The following RASGRF2 variants were observed in gnomAD, a reference collection of about 807,000 sequenced individuals.
RASGRF2 encodes the protein ras-specific guanine nucleotide-releasing factor 2.
A neutral mutation model predicts 151.0 loss-of-function variants in RASGRF2; 76 were observed. The observed-to-expected ratio is 0.50, with a 90% confidence interval of 0.42 to 0.61. RASGRF2 has a LOEUF of 0.61. RASGRF2 is among the 20% of genes least tolerant of loss of function. The pLI is 0.00. For missense variants in RASGRF2, 1,148 were observed against 1,564.6 expected, an observed-to-expected ratio of 0.73 and a Z score of 4.49; for synonymous variants, 504 against 566.5, an observed-to-expected ratio of 0.89 and a Z score of 1.57.
intron 17 of RASGRF2, among the ~76,000 whole-genome samples, chr5:81,174,222 A>G (rs1010383671): frequency 6.6e-6 from 1 of 152,220 alleles, no homozygotes; most frequent in African/African-American, 2.4e-5. Context: ...GGAAAGTTAG[A>G]TTGGGGAGCA....
At chr5:81,206,962 C>T (rs1020191600) in intron 20 of RASGRF2, 57 bp downstream of exon 20, 45 of 1,349,774 alleles carry the variant, frequency 3.3e-5, no homozygotes, top group East Asian at 2.1e-4. Context: ...CTCTCCAAGG[C>T]GAGCAATATG....
intron 23 of RASGRF2, among the ~76,000 whole-genome samples, chr5:81,214,290 C>T (rs954790150): frequency 1.3e-5 from 2 of 152,234 alleles, no homozygotes; most frequent in African/African-American, 2.4e-5. Flanking sequence ...ATAGGTCACT[C>T]ACAGTGGCCT....
chr5:81,127,923 C>CAAAAAAAAAA (rs60196392), intron 17 of RASGRF2, among the ~76,000 whole-genome samples: 153 of 64,494 alleles, frequency 2.4e-3, no homozygotes, highest in East Asian at 3.3e-3. Context: ...GACTCCGTCT[C>CAAAAAAAAAA]AAAAAAAAAA....
chr5:81,142,524 T>C (rs965846725), intron 17 of RASGRF2, among the ~76,000 whole-genome samples: 3 of 152,190 alleles, frequency 2.0e-5, no homozygotes, highest in African/African-American at 4.8e-5. Context: ...CAATGTTTCT[T>C]ATATGGGGCC....
rs181901365 is a variant in RASGRF2, at chr5:81,031,178, T to C, written c.289-11699T>C. On this transcript the variant is annotated intron_variant, in intron 1 of 26. Coordinates refer to ENST00000265080, the MANE Select transcript of RASGRF2 (RefSeq NM_006909.3). The stretch of plus-strand genomic sequence containing the variant: ...CTCCTTAGAGACCTACAAAGAGACT[T>C]AGACTCCCACACAATAATAATGGGA... 5.7e-3 allele frequency among the ~76,000 whole-genome samples: 870 copies of C among 152,266 alleles called. 15 individuals carry two copies. The highest frequency in any genetic ancestry group is 0.01 in the Middle Eastern group (3 of 294).
At chr5:81,028,190 A>C (rs1750103223) in intron 1 of RASGRF2, among the ~76,000 whole-genome samples, 1 of 152,044 alleles carries the variant, frequency 6.6e-6, no homozygotes. Context: ...CCAGAAAGAC[A>C]TCAGAAATGC....
intron 2 of RASGRF2, among the ~76,000 whole-genome samples, chr5:81,043,384 C>T (rs1224441209): frequency 6.6e-6 from 1 of 152,188 alleles, no homozygotes; most frequent in Non-Finnish European, 1.5e-5. Flanking sequence ...TGCCTGAGGT[C>T]ACACAGCTAG....
chr5:81,098,846 C>T (rs1435175537), intron 12 of RASGRF2, among the ~76,000 whole-genome samples: 1 of 152,184 alleles, frequency 6.6e-6, no homozygotes, highest in African/African-American at 2.4e-5. Flanking sequence ...GAATTAGTCT[C>T]TCAAGTGTAT....
intron 23 of RASGRF2, among the ~76,000 whole-genome samples, chr5:81,214,426 C>T (rs1045931293): frequency 6.6e-6 from 1 of 152,304 alleles, no homozygotes; most frequent in African/African-American, 2.4e-5. Flanking sequence ...TGACAACATC[C>T]GCTGTACAGC....
rs377116128 is a variant in RASGRF2 at position 80,960,972 on chromosome 5, G to A, written c.234G>A (p.Ala78=). 4.5e-6 allele frequency: 7 copies of A among 1,554,052 alleles called. No homozygotes were observed. The highest frequency in any genetic ancestry group is 6.1e-6 in the Non-Finnish European group (7 of 1,141,526). Residue 78 remains alanine, a synonymous_variant, in exon 1 of 27, where the codon GCG becomes GCA. Transcript: ENST00000265080. The surrounding 1 kb of genome is among the most constrained non-coding windows in gnomAD (Gnocchi z 5.5). ...GCTGCAGCTGCGAACGAACGCCCGC[G>A]CCACCCAGGGCCGGCGCCGGGCAGG... ...LEGCSCERTP[A]PPRAGAGQGG...
intron 17 of RASGRF2, among the ~76,000 whole-genome samples, chr5:81,177,572 T>C (rs907704282): frequency 6.6e-5 from 10 of 151,524 alleles, no homozygotes; most frequent in African/African-American, 2.4e-4. Context: ...CAGCTTCTGC[T>C]ATGTGCCAGA....
rs375532264 is a variant in RASGRF2, at chr5:81,207,365, C to G, written c.3071+16C>G. On this transcript the variant is annotated intron_variant, in intron 21 of 26. Coordinates refer to ENST00000265080, the MANE Select transcript of RASGRF2 (RefSeq NM_006909.3). ...TTCCCTACGAGTGAGTGCCACCCCC[C>G]ACAGCAGCAGGGCTCGGCTGCTCTA... 21 of 1,603,864 alleles carry G rather than the reference C, an allele frequency of 1.3e-5. No homozygotes were observed. The highest frequency in any genetic ancestry group is 6.7e-5 in the East Asian group (3 of 44,826).
chr5:81,009,053 G>C (rs1297075973), intron 1 of RASGRF2, among the ~76,000 whole-genome samples: 2 of 152,156 alleles, frequency 1.3e-5, no homozygotes, highest in South Asian at 4.1e-4. Context: ...CAGACCAGTG[G>C]GAGTCCACTA....
chr5:81,180,089 ACC>A, intron 17 of RASGRF2, 84 bp from the exon 18 acceptor site: 1 of 752,606 alleles, frequency 1.3e-6, no homozygotes, highest in Admixed American at 2.0e-5. Flanking sequence ...AGTTTCGTTA[ACC>A]AATGTCCTAA....
chr5:80,983,171 T>G (rs974607979), intron 1 of RASGRF2, among the ~76,000 whole-genome samples: 1 of 152,246 alleles, frequency 6.6e-6, no homozygotes, highest in African/African-American at 2.4e-5. Flanking sequence ...CGGACTGGCG[T>G]CAGCAATGAC....
At position 81,044,229 on chromosome 5, in the gene RASGRF2, C is replaced by T. The variant is rs990453653; in HGVS notation, c.395+1246C>T. On this transcript the variant is annotated intron_variant, in intron 2 of 26. Coordinates refer to ENST00000265080, the MANE Select transcript of RASGRF2 (RefSeq NM_006909.3). The stretch of plus-strand genomic sequence containing the variant: ...GGCCAGGAGTTTGAGACCAGCCTGG[C>T]CAACATGGTGAAACCCCGTCTCTAC... Among the ~76,000 whole-genome samples, 13 of 152,070 alleles carry T rather than the reference C, an allele frequency of 8.5e-5. 1 individual carries two copies. Among genetic ancestry groups the T allele is most frequent in the African/African-American group, 2.9e-4 (12 of 41,394 alleles).
Position 81,170,061 on chromosome 5 carries a change from CACT to C in RASGRF2, c.2687-10113_2687-10111del, listed in dbSNP as rs376075523. Among the ~76,000 whole-genome samples the C allele has an allele frequency of 2.3e-3, 343 of 151,736 alleles. 8 individuals carry two copies. Among genetic ancestry groups the C allele is most frequent in the African/African-American group, 8.0e-3 (331 of 41,148 alleles). On this transcript the variant is annotated intron_variant, in intron 17 of 26. Transcript: ENST00000265080. Reference sequence around the variant, plus strand: ...CTTGCATCACCTGCACTCCCTGCACCACTGTTATCATCCACACCACCTGCATCA... The same window carrying C: ...CTTGCATCACCTGCACTCCCTGCACCGTTATCATCCACACCACCTGCATCA...
At chr5:81,028,334 A>C (rs1485591378) in intron 1 of RASGRF2, among the ~76,000 whole-genome samples, 1 of 152,244 alleles carries the variant, frequency 6.6e-6, no homozygotes, top group Non-Finnish European at 1.5e-5. Context: ...TTAAAGTGCA[A>C]ATCATAAATT....
At chr5:81,070,398 C>T in intron 3 of RASGRF2, 94 bp from the exon 4 acceptor site, 1 of 1,004,026 alleles carries the variant, frequency 1.0e-6, no homozygotes, top group Non-Finnish European at 1.6e-6. Flanking sequence ...TCCTGAGGAT[C>T]TCATTGGACC....
Sources: gnomAD v4.1 joint callset for allele counts (sites outside exome capture counted in the v4.1 genomes callset) on GRCh38, gnomAD v4.1.1 for gene constraint, Gnocchi (gnomAD v3.1) non-coding constraint, MANE v1.5 for transcripts, NCBI Gene and HGNC (gene_info 2026-07-23, HGNC 2026-07-21) for gene names.